The following CRYBG3 variants were observed in gnomAD, a reference collection of about 807,000 sequenced individuals.
The protein encoded by CRYBG3 is very large A-kinase anchor protein.
A neutral mutation model predicts 244.2 loss-of-function variants in CRYBG3; 127 were observed. The ratio of observed to expected loss-of-function variants is 0.52; its 90% confidence interval spans 0.45 to 0.60. CRYBG3 has a LOEUF of 0.60. CRYBG3 is among the 20% of genes least tolerant of loss of function. The pLI is 0.00. For synonymous variants in CRYBG3, 1,132 were observed against 1,195.8 expected (o/e 0.95, Z 1.10); for missense variants, 3,325 against 3,442.5 (o/e 0.97, Z 0.85).
chr3:97,863,357 C>T (rs61660687), intron 2 of CRYBG3, among the ~76,000 whole-genome samples: 3 of 152,234 alleles, frequency 2.0e-5, no homozygotes, highest in East Asian at 3.9e-4. Context: ...TATAGCAGCT[C>T]AGTTTTTCCT....
Position 97,933,076 on chromosome 3 carries a change from C to G in CRYBG3, c.8242-618C>G, listed in dbSNP as rs189682350. 1.0e-3 allele frequency: 455 copies of G among 446,218 alleles called. 1 individual carries two copies. Among genetic ancestry groups the G allele is most frequent in the Middle Eastern group, 1.7e-3 (5 of 3,012 alleles). 27.6% of individuals were successfully genotyped at this position (446,218 alleles called of 1,614,324 possible). ...GATGGTGCCTTGTTTTATCATCCCC[C>G]CAAAAGTCTCTTAACATGGTGTCTT... On this transcript the variant is annotated intron_variant, in intron 17 of 21. Transcript: ENST00000389622.
At position 97,899,246 on chromosome 3, in the gene CRYBG3, A is replaced by T. The variant is rs1267078961; in HGVS notation, c.7954A>T (p.Ile2652Leu). 2 of 1,613,006 alleles carry T rather than the reference A, an allele frequency of 1.2e-6. No individual in the cohort carries two copies. The change falls in exon 14 of 22, where the codon ATA (isoleucine) becomes TTA (leucine). Residue 2652 changes from isoleucine to leucine, a missense_variant. By Grantham distance (5) the Ile-to-Leu change is conservative. Coordinates refer to ENST00000389622, the MANE Select transcript of CRYBG3 (RefSeq NM_153605.4). ...WGGSNNIIMS[I>L]RPIQLEPLGI... ...AGGATCAAATAATATAATCATGTCG[A>T]TACGGCCAATCCAACTGGTGAGTGA... is the stretch of plus-strand genomic sequence containing the variant.
At chr3:97,867,103 G>C (rs959199026) in intron 3 of CRYBG3, 28 of 152,180 alleles carry the variant, frequency 1.8e-4, no homozygotes, top group African/African-American at 6.8e-4. Context: ...ACCTGAGGTC[G>C]AGAGTTTGAG....
At chr3:97,904,243 G>A (rs1478491837) in intron 15 of CRYBG3, among the ~76,000 whole-genome samples, 1 of 152,114 alleles carries the variant, frequency 6.6e-6, no homozygotes, top group Admixed American at 6.6e-5. Context: ...GATTGATAAG[G>A]TGATCAAAGT....
intron 1 of CRYBG3, among the ~76,000 whole-genome samples, chr3:97,841,283 G>T (rs1412736364): frequency 7.1e-6 from 1 of 141,392 alleles, no homozygotes; most frequent in African/African-American, 3.0e-5. Context: ...TGTACATATA[G>T]GTGCGTACAC....
chr3:97,921,788 A>G (rs2039987298), intron 17 of CRYBG3, among the ~76,000 whole-genome samples: 1 of 152,192 alleles, frequency 6.6e-6, no homozygotes, highest in Non-Finnish European at 1.5e-5. Flanking sequence ...AGACTATTGC[A>G]TAAAACATTT....
At chr3:97,862,473 T>TCAA (rs1248863785) in intron 2 of CRYBG3, among the ~76,000 whole-genome samples, 1 of 152,198 alleles carries the variant, frequency 6.6e-6, no homozygotes, top group Non-Finnish European at 1.5e-5. Flanking sequence ...TAATTACTGT[T>TCAA]CTTTTCATGT....
At chr3:97,888,231 T>C in intron 8 of CRYBG3, 110 bp from the exon 9 acceptor site, 2 of 637,648 alleles carry the variant, frequency 3.1e-6, no homozygotes, top group East Asian at 2.8e-5. Context: ...TTTACTAGTG[T>C]AATTCTGTGA....
intron 3 of CRYBG3, among the ~76,000 whole-genome samples, chr3:97,865,046 T>C (rs903056645): frequency 3.9e-5 from 6 of 152,172 alleles, no homozygotes; most frequent in African/African-American, 1.4e-4. Context: ...GAAAAGCAAT[T>C]AAATGGACTC....
intron 1 of CRYBG3, among the ~76,000 whole-genome samples, chr3:97,832,182 T>C (rs368163000): frequency 2.0e-5 from 3 of 150,768 alleles, no homozygotes; most frequent in Middle Eastern, 3.4e-3. Flanking sequence ...CCATTGACTT[T>C]CTTCACAGAA....
At position 97,877,124 on chromosome 3, in the gene CRYBG3, C is replaced by G; in HGVS notation, c.5930C>G (p.Thr1977Arg). 6.2e-7 allele frequency: 1 copy of G among 1,613,786 alleles called. No homozygotes were observed. Among genetic ancestry groups the G allele is most frequent in the East Asian group, 2.2e-5 (1 of 44,872 alleles). The change falls in exon 4 of 22, where the codon ACA becomes AGA. Residue 1977 changes from threonine (T) to arginine (R), a missense_variant. Physicochemically the swap from Thr to Arg is moderately conservative, Grantham distance 71 (BLOSUM62 -1). This residue lies in a region of CRYBG3 where 450 missense variants were observed against 424.1 expected (regional missense o/e 1.06). Coordinates refer to ENST00000389622, the MANE Select transcript of CRYBG3 (RefSeq NM_153605.4). ...LTAIYDKRRE[T>R]DYSDKGYNLA... ...GCAATATATGACAAGAGGAGAGAGA[C>G]AGATTATAGTGACAAAGGATATAAT...
chr3:97,829,395 C>T (rs911277824), intron 1 of CRYBG3, among the ~76,000 whole-genome samples: 1 of 152,126 alleles, frequency 6.6e-6, no homozygotes, highest in Admixed American at 6.6e-5. Context: ...TTTTTACGTG[C>T]TCACCTGTCA....
At chr3:97,924,892 T>C (rs1331175292) in intron 17 of CRYBG3, among the ~76,000 whole-genome samples, 1 of 152,092 alleles carries the variant, frequency 6.6e-6, no homozygotes, top group Middle Eastern at 3.2e-3. Flanking sequence ...GATGTGAACA[T>C]TTGTGGGGTA....
rs1576535729 is a variant in CRYBG3 at position 97,872,793 on chromosome 3, T to G, written c.1599T>G (p.Ser533Arg). 1 of 1,535,946 alleles carries G rather than the reference T, an allele frequency of 6.5e-7. No homozygotes were observed. The highest frequency in any genetic ancestry group is 8.7e-7 in the Non-Finnish European group (1 of 1,146,774). The change falls in exon 4 of 22, where the codon AGT becomes AGG. Residue 533 changes from serine (S) to arginine (R), a missense_variant. Physicochemically the swap from Ser to Arg is moderately radical, Grantham distance 110 (BLOSUM62 -1). Around this residue, in one of 4 missense-constraint regions of CRYBG3, gnomAD observed 1,526 missense variants for 1,443.2 expected, o/e 1.06. Coordinates refer to ENST00000389622, the MANE Select transcript of CRYBG3 (RefSeq NM_153605.4). ...AVREIRRETE[S>R]ASAGESIASS... Reference sequence around the variant, plus strand: ...GAGAAATCAGGCGAGAAACAGAAAGTGCCTCAGCTGGTGAATCCATAGCTT... The same window carrying G: ...GAGAAATCAGGCGAGAAACAGAAAGGGCCTCAGCTGGTGAATCCATAGCTT...
chr3:97,917,730 G>T (rs528359196), intron 17 of CRYBG3, among the ~76,000 whole-genome samples: 1 of 152,208 alleles, frequency 6.6e-6, no homozygotes, highest in Admixed American at 6.5e-5. Flanking sequence ...GGAAGAACAA[G>T]GGAAACTGAA....
intron 8 of CRYBG3, among the ~76,000 whole-genome samples, chr3:97,887,494 G>A (rs11914412): frequency 0.24 from 36,718 of 152,184 alleles, 4,762 homozygotes; most frequent in Middle Eastern, 0.33. Context: ...GCTCACGCCT[G>A]TAATCCCAAC....
chr3:97,896,489 G>A (rs960031797), intron 12 of CRYBG3, among the ~76,000 whole-genome samples: 4 of 152,166 alleles, frequency 2.6e-5, no homozygotes, highest in African/African-American at 9.7e-5. Context: ...CACTTGAATA[G>A]AGAGGGCTTC....
intron 16 of CRYBG3, among the ~76,000 whole-genome samples, chr3:97,913,332 T>C (rs2039893796): frequency 6.6e-6 from 1 of 152,184 alleles, no homozygotes; most frequent in Non-Finnish European, 1.5e-5. Context: ...CTTTCCTCCG[T>C]ACCCACTATA....
chr3:97,863,787 A>G (rs1472527944), intron 2 of CRYBG3, among the ~76,000 whole-genome samples: 1 of 151,952 alleles, frequency 6.6e-6, no homozygotes, highest in African/African-American at 2.4e-5. Flanking sequence ...CACTCTTGTC[A>G]TTTTCGTACC....
Sources: allele counts gnomAD v4.1 joint callset (sites outside exome capture counted in the v4.1 genomes callset), GRCh38; gene constraint gnomAD v4.1.1; regional missense constraint gnomAD v4.1.1; transcripts MANE v1.5; gene names NCBI Gene and HGNC (gene_info 2026-07-23, HGNC 2026-07-21).